The following PITPNC1 variants were observed in gnomAD, a reference collection of about 807,000 sequenced individuals.
The protein encoded by PITPNC1 is phosphatidylinositol transfer protein cytoplasmic 1, also known as cytoplasmic phosphatidylinositol transfer protein 1.
In PITPNC1, 18 loss-of-function variants were observed where a neutral mutation model predicts 44.7. The observed-to-expected ratio is 0.40, with a 90% confidence interval of 0.28 to 0.60. PITPNC1 has a LOEUF of 0.60. Among genes scored for constraint, PITPNC1 ranks in the 20% least tolerant of loss-of-function variants. The pLI is 0.39. For synonymous variants in PITPNC1, 141 were observed against 149.6 expected (o/e 0.94, Z 0.42); for missense variants, 290 against 418.4 (o/e 0.69, Z 2.68).
At chr17:67,425,191 GCGCACGCACACGCACACACACA>G (rs1567984594) in intron 1 of PITPNC1, among the ~76,000 whole-genome samples, 1 of 38,640 alleles carries the variant, frequency 2.6e-5, no homozygotes, top group Non-Finnish European at 4.5e-5. Flanking sequence ...TGTTGTGCGC[GCGCACGCACACGCACACACACA>G]CACACACACA....
intron 2 of PITPNC1, among the ~76,000 whole-genome samples, chr17:67,549,220 G>A (rs529841276): frequency 1.4e-4 from 22 of 152,240 alleles, no homozygotes; most frequent in Middle Eastern, 3.4e-3. Flanking sequence ...TTAGGAGGCC[G>A]AGGCGGGCGG....
At position 67,597,370 on chromosome 17, in the gene PITPNC1, A is replaced by G. The variant is rs535084893; in HGVS notation, c.366+19113A>G. On this transcript the variant is annotated intron_variant, in intron 5 of 8. Coordinates refer to ENST00000581322, the MANE Select transcript of PITPNC1 (RefSeq NM_012417.4). This position sits in a 1 kb window ranked among gnomAD's most constrained non-coding sequence, Gnocchi z 4.0. ...GGAATTCGAGACCAGCCTGGCCAAC[A>G]TGGCAAAACCCCATCTCCACTAAAA... is the stretch of plus-strand genomic sequence containing the variant. Among the ~76,000 whole-genome samples, 2 of 152,160 alleles carry G rather than the reference A, an allele frequency of 1.3e-5. No individual in the cohort carries two copies. The highest frequency in any genetic ancestry group is 6.5e-5 in the Admixed American group (1 of 15,282).
At chr17:67,640,905 G>A (rs1445475510) in intron 6 of PITPNC1, among the ~76,000 whole-genome samples, 2 of 151,930 alleles carry the variant, frequency 1.3e-5, no homozygotes, top group Non-Finnish European at 1.5e-5. Context: ...CAGGAGAATC[G>A]TTTGAACCCG....
At chr17:67,503,718 A>C (rs1467861822) in intron 1 of PITPNC1, among the ~76,000 whole-genome samples, 1 of 152,134 alleles carries the variant, frequency 6.6e-6, no homozygotes, top group Non-Finnish European at 1.5e-5. Context: ...TTAGGGAGGT[A>C]GTAGATGATT....
chr17:67,384,270 C>T (rs1480519201), intron 1 of PITPNC1, among the ~76,000 whole-genome samples: 1 of 151,856 alleles, frequency 6.6e-6, no homozygotes, highest in African/African-American at 2.4e-5. Flanking sequence ...TTCTTTTTTG[C>T]CCTGGCAGGG....
At chr17:67,408,128 G>T (rs1214307074) in intron 1 of PITPNC1, among the ~76,000 whole-genome samples, 1 of 150,992 alleles carries the variant, frequency 6.6e-6, no homozygotes, top group Non-Finnish European at 1.5e-5. Context: ...CTAATTTTTT[G>T]TATTTTTAGT....
chr17:67,498,000 A>G (rs2039978637), intron 1 of PITPNC1, among the ~76,000 whole-genome samples: 1 of 151,528 alleles, frequency 6.6e-6, no homozygotes, highest in Non-Finnish European at 1.5e-5. Flanking sequence ...AGCTGGGACC[A>G]CAGGCATGCG....
At chr17:67,572,592 A>G (rs1404723104) in intron 4 of PITPNC1, among the ~76,000 whole-genome samples, 2 of 151,734 alleles carry the variant, frequency 1.3e-5, no homozygotes, top group Non-Finnish European at 2.9e-5. Context: ...AGCCTGGGAC[A>G]CAGATAGCTA....
Position 67,618,364 on chromosome 17 carries a change from C to CAAAAA in PITPNC1, c.367-13761_367-13757dup, listed in dbSNP as rs11417487. Among the ~76,000 whole-genome samples the CAAAAA allele has an allele frequency of 1.7e-4, 13 of 76,838 alleles. 1 individual carries two copies. The highest frequency in any genetic ancestry group is 6.2e-4 in the South Asian group (1 of 1,626). 50.4% of individuals were successfully genotyped at this position (76,838 alleles called of 152,430 possible). On this transcript the variant is annotated intron_variant, in intron 5 of 8. Coordinates refer to ENST00000581322, the MANE Select transcript of PITPNC1 (RefSeq NM_012417.4). Reference sequence around the variant, plus strand: ...TGGGTGAGAGAGCGAGACTCCGTCTCAAAAAAAAAAAAAAAAAAAAAAGAT... The same window carrying CAAAAA: ...TGGGTGAGAGAGCGAGACTCCGTCTCAAAAAAAAAAAAAAAAAAAAAAAAAAAGAT...
chr17:67,459,113 C>CTTTTTTTTTTTTTTTTTTTTTTGTTTTTT (rs886333854), intron 1 of PITPNC1, among the ~76,000 whole-genome samples: 1 of 95,732 alleles, frequency 1.0e-5, no homozygotes, highest in Non-Finnish European at 2.1e-5. Flanking sequence ...TTTTCTTTTT[C>CTTTTTTTTTTTTTTTTTTTTTTGTTTTTT]TTTTTTTTTT....
rs765584842 is a variant in PITPNC1 at position 67,695,047 on chromosome 17, G to C, written c.*2159G>C. On this transcript the variant is annotated 3_prime_UTR_variant, in exon 9 of 9. Coordinates refer to ENST00000581322, the MANE Select transcript of PITPNC1 (RefSeq NM_012417.4). Reference sequence around the variant, plus strand: ...CCCTTTTTATAAAGTAGCTTCTGCTGTCAAGGTTAACAATTCTATATGCTT... The same window carrying C: ...CCCTTTTTATAAAGTAGCTTCTGCTCTCAAGGTTAACAATTCTATATGCTT... The C allele has an allele frequency of 3.9e-5, 6 of 152,158 alleles. No individual in the cohort carries two copies. The highest frequency in any genetic ancestry group is 5.9e-5 in the Non-Finnish European group (4 of 68,036). The allele number at this position is 152,158 out of a possible 1,614,324, so 9.4% of individuals were successfully genotyped here.
At chr17:67,409,907 A>T (rs2038466837) in intron 1 of PITPNC1, among the ~76,000 whole-genome samples, 1 of 152,194 alleles carries the variant, frequency 6.6e-6, no homozygotes, top group East Asian at 1.9e-4. Context: ...GTATTTATTT[A>T]TTCTTTGTTC....
chr17:67,419,244 A>T (rs544535732), intron 1 of PITPNC1, among the ~76,000 whole-genome samples: 2 of 152,080 alleles, frequency 1.3e-5, no homozygotes, highest in South Asian at 2.1e-4. Flanking sequence ...AGTGAGGGGG[A>T]AAGTAGGTAC....
intron 1 of PITPNC1, among the ~76,000 whole-genome samples, chr17:67,443,451 ATT>A (rs2039045158): frequency 6.6e-6 from 1 of 151,266 alleles, no homozygotes; most frequent in Non-Finnish European, 1.5e-5. Context: ...TTCGACTGTG[ATT>A]TATCTGTTTA....
chr17:67,665,042 T>TAA (rs2042402642), intron 6 of PITPNC1, among the ~76,000 whole-genome samples: 2 of 152,182 alleles, frequency 1.3e-5, no homozygotes, highest in African/African-American at 4.8e-5. Context: ...TTTGTGGCTA[T>TAA]TATGAATTAG....
At chr17:67,382,688 G>T (rs1177325147) in intron 1 of PITPNC1, among the ~76,000 whole-genome samples, 3 of 150,566 alleles carry the variant, frequency 2.0e-5, no homozygotes, top group Admixed American at 6.6e-5. Flanking sequence ...GCAGTGGGAT[G>T]ATTTCGGCTC....
chr17:67,688,622 A>C (rs1268265779), intron 8 of PITPNC1, among the ~76,000 whole-genome samples: 1 of 152,162 alleles, frequency 6.6e-6, no homozygotes, highest in African/African-American at 2.4e-5. Context: ...CTCTATGCAC[A>C]GACCAATTCC....
At chr17:67,544,175 CA>C in intron 2 of PITPNC1, among the ~76,000 whole-genome samples, 1 of 152,270 alleles carries the variant, frequency 6.6e-6, no homozygotes, top group Middle Eastern at 3.4e-3. Flanking sequence ...TGATCCAGTT[CA>C]GTTAACCAAG....
intron 1 of PITPNC1, among the ~76,000 whole-genome samples, chr17:67,523,462 T>C (rs2040353603): frequency 6.6e-6 from 1 of 150,502 alleles, no homozygotes; most frequent in Non-Finnish European, 1.5e-5. Flanking sequence ...ACAGGTTTAT[T>C]ATACAATTTA....
Sources: allele counts gnomAD v4.1 joint callset (sites outside exome capture counted in the v4.1 genomes callset), GRCh38; gene constraint gnomAD v4.1.1; non-coding constraint Gnocchi (gnomAD v3.1); transcripts MANE v1.5; gene names NCBI Gene and HGNC (gene_info 2026-07-23, HGNC 2026-07-21).